The following NALCN variants were observed in gnomAD, a reference collection of about 807,000 sequenced individuals.
NALCN encodes the protein sodium leak channel NALCN.
A neutral mutation model predicts 225.3 loss-of-function variants in NALCN; 111 were observed. The observed-to-expected ratio is 0.49, with a 90% confidence interval of 0.42 to 0.58. The LOEUF is 0.58. Ranked by LOEUF, NALCN falls within the 20% of genes least tolerant of loss-of-function variation. The pLI is 0.00. For synonymous variants in NALCN, 764 were observed against 769.0 expected (o/e 0.99, Z 0.11); for missense variants, 1,378 against 2,202.4 (o/e 0.63, Z 7.49).
intron 7 of NALCN, among the ~76,000 whole-genome samples, chr13:101,315,269 C>T (rs1262992174): frequency 1.3e-5 from 2 of 152,082 alleles, no homozygotes; most frequent in Non-Finnish European, 2.9e-5. Context: ...TCTGAACACC[C>T]TTAAAGAAGA....
intron 15 of NALCN, among the ~76,000 whole-genome samples, chr13:101,146,673 ATTG>A (rs1225600374): frequency 6.6e-6 from 1 of 152,216 alleles, no homozygotes; most frequent in African/African-American, 2.4e-5. Context: ...GAAATAAAGT[ATTG>A]TTAATTCATG....
At chr13:101,192,666 A>AAAACAAAC (rs71121175) in intron 13 of NALCN, among the ~76,000 whole-genome samples, 9 of 148,250 alleles carry the variant, frequency 6.1e-5, no homozygotes, top group African/African-American at 1.3e-4. Flanking sequence ...CAAGACCAAA[A>AAAACAAAC]AAACAAACAA....
At chr13:101,152,417 C>T (rs568798905) in intron 15 of NALCN, among the ~76,000 whole-genome samples, 1 of 152,078 alleles carries the variant, frequency 6.6e-6, no homozygotes, top group African/African-American at 2.4e-5. Context: ...CTGTTGCATT[C>T]CTGCCACTTA....
At chr13:101,235,427 A>G (rs1200618537) in intron 12 of NALCN, among the ~76,000 whole-genome samples, 4 of 152,172 alleles carry the variant, frequency 2.6e-5, no homozygotes, top group Admixed American at 1.3e-4. Flanking sequence ...ATAGCTTTGT[A>G]AAAAAGGTAT....
At chr13:101,241,695 G>A (rs556734067) in intron 11 of NALCN, among the ~76,000 whole-genome samples, 1 of 151,944 alleles carries the variant, frequency 6.6e-6, no homozygotes, top group Non-Finnish European at 1.5e-5. Context: ...CACCCACCTC[G>A]GCCTCCCAAA....
At chr13:101,297,964 A>G (rs755329593) in intron 7 of NALCN, among the ~76,000 whole-genome samples, 6 of 152,168 alleles carry the variant, frequency 3.9e-5, no homozygotes. Flanking sequence ...TCCTGGTTAA[A>G]TCTCAGTTTG....
intron 15 of NALCN, among the ~76,000 whole-genome samples, chr13:101,154,453 T>C (rs916526124): frequency 1.3e-5 from 2 of 152,212 alleles, no homozygotes; most frequent in African/African-American, 4.8e-5. Context: ...TAGACACATC[T>C]TCCAGGACCT....
At chr13:101,310,944 C>G (rs1452454360) in intron 7 of NALCN, among the ~76,000 whole-genome samples, 2 of 151,930 alleles carry the variant, frequency 1.3e-5, no homozygotes, top group Admixed American at 6.6e-5. Flanking sequence ...TGTAAATTAC[C>G]ATGGGCAGTG....
At chr13:101,263,876 C>T (rs534086798) in intron 10 of NALCN, among the ~76,000 whole-genome samples, 38 of 152,274 alleles carry the variant, frequency 2.5e-4, no homozygotes, top group African/African-American at 8.4e-4. Context: ...AGTGGCATGG[C>T]CCACTTCAAC....
chr13:101,298,518 C>A (rs1442105441), intron 7 of NALCN, among the ~76,000 whole-genome samples: 2 of 152,128 alleles, frequency 1.3e-5, no homozygotes, highest in African/African-American at 4.8e-5. Context: ...GACAGGGTTT[C>A]GTCATGTTGG....
intron 14 of NALCN, among the ~76,000 whole-genome samples, chr13:101,182,237 C>T (rs2039268294): frequency 6.6e-6 from 1 of 151,904 alleles, no homozygotes; most frequent in Admixed American, 6.6e-5. Flanking sequence ...GAAAAGCCAC[C>T]CTCAGAGCAG....
chr13:101,221,889 T>C (rs1055203045), intron 13 of NALCN, among the ~76,000 whole-genome samples: 5 of 152,208 alleles, frequency 3.3e-5, no homozygotes, highest in Non-Finnish European at 5.9e-5. Context: ...TTTCCGATTA[T>C]GGGTAGCAAA....
At chr13:101,141,934 C>A (rs1366135347) in intron 17 of NALCN, among the ~76,000 whole-genome samples, 1 of 152,026 alleles carries the variant, frequency 6.6e-6, no homozygotes. Flanking sequence ...GATGTTTTTG[C>A]AAACTCTACT....
chr13:101,341,346 C>T (rs988495836), intron 7 of NALCN, among the ~76,000 whole-genome samples: 2 of 152,142 alleles, frequency 1.3e-5, no homozygotes, highest in African/African-American at 4.8e-5. Flanking sequence ...AGCATTGTGC[C>T]ATTACATTCT....
rs117864046 is a variant in NALCN at position 101,224,109 on chromosome 13, C to T, written c.1626+5284G>A. ...ACCTCTCTCAAGAAAACAGACTTCCCTTCACCACATACACAAACAACCAAA... is the reference window on the plus strand; with the variant it reads ...ACCTCTCTCAAGAAAACAGACTTCCTTTCACCACATACACAAACAACCAAA... On this transcript the variant is annotated intron_variant, in intron 13 of 43. Coordinates refer to ENST00000251127, the MANE Select transcript of NALCN (RefSeq NM_052867.4). Among the ~76,000 whole-genome samples, 167 of 152,274 alleles carry T rather than the reference C, an allele frequency of 1.1e-3. 1 individual carries two copies. The East Asian group carries it at 0.031, about 28-fold the overall frequency.
At chr13:101,313,379 A>C (rs1033925733) in intron 7 of NALCN, among the ~76,000 whole-genome samples, 4 of 152,332 alleles carry the variant, frequency 2.6e-5, no homozygotes, top group African/African-American at 9.6e-5. Flanking sequence ...AGAAACCGTC[A>C]TCAGAGTGAA....
At chr13:101,064,203 T>A (rs1009635681) in intron 40 of NALCN, among the ~76,000 whole-genome samples, 1 of 152,096 alleles carries the variant, frequency 6.6e-6, no homozygotes, top group Non-Finnish European at 1.5e-5. Flanking sequence ...AACAAAGACA[T>A]GGATATTGCT....
intron 30 of NALCN, 36 bp from the exon 31 acceptor site, chr13:101,083,840 G>T: frequency 6.3e-7 from 1 of 1,598,988 alleles, no homozygotes; most frequent in Non-Finnish European, 8.5e-7. Flanking sequence ...AAGGCCTTTT[G>T]TCATGTGCTT....
chr13:101,129,246 T>C (rs1238708130), intron 17 of NALCN, among the ~76,000 whole-genome samples: 1 of 152,220 alleles, frequency 6.6e-6, no homozygotes, highest in African/African-American at 2.4e-5. Flanking sequence ...TTATCGACTT[T>C]TACTTATTAA....
Sources: gnomAD v4.1 joint callset for allele counts (sites outside exome capture counted in the v4.1 genomes callset) on GRCh38, gnomAD v4.1.1 for gene constraint, MANE v1.5 for transcripts, NCBI Gene and HGNC (gene_info 2026-07-23, HGNC 2026-07-21) for gene names.